The following TMEM92 variants were observed in gnomAD, a reference collection of about 807,000 sequenced individuals.
The protein encoded by TMEM92 is transmembrane protein 92.
In TMEM92, 15 loss-of-function variants were observed where a neutral mutation model predicts 14.6. That is an observed-to-expected ratio of 1.03 (90% CI 0.69 to 1.58). TMEM92 has a LOEUF of 1.58. TMEM92 is among the 40% of genes most tolerant of loss of function. The pLI is 0.00. For synonymous variants in TMEM92, 85 were observed against 83.3 expected, an observed-to-expected ratio of 1.02 and a Z score of -0.11; for missense variants, 174 against 202.4, an observed-to-expected ratio of 0.86 and a Z score of 0.85.
In TMEM92 at chr17:50,280,135, T is replaced by G. The variant is rs1195889763; in HGVS notation, c.*827T>G. ...TCTCTGGCTGTCTTACCATGAGAAG[T>G]TGGTAAGTTGGCTGTGAGGGGGTTG... is the stretch of plus-strand genomic sequence containing the variant. On this transcript the variant is annotated 3_prime_UTR_variant, in exon 5 of 5. Coordinates refer to ENST00000507382, the MANE Select transcript of TMEM92 (RefSeq NM_153229.3). The G allele has an allele frequency of 1.3e-5, 2 of 152,098 alleles. No homozygotes were observed. The highest frequency in any genetic ancestry group is 2.9e-5 in the Non-Finnish European group (2 of 68,042). 9.4% of individuals were successfully genotyped at this position (152,098 alleles called of 1,614,324 possible). A position where few individuals can be genotyped will look rare whatever the true frequency, so the allele number is the denominator to read the frequency against.
intron 2 of TMEM92, among the ~76,000 whole-genome samples, chr17:50,278,111 G>A (rs1343196806): frequency 6.6e-6 from 1 of 152,182 alleles, no homozygotes; most frequent in Non-Finnish European, 1.5e-5. Context: ...GCAGAAAAGT[G>A]TTTCCATTAG....
chr17:50,274,716 T>C lies in TMEM92; in HGVS notation c.69+146T>C, dbSNP rs529017973. ...AGCTACTTCCTTTCTCTCTTTGCTG[T>C]GGAGGTGGAGGTGGGGGCAGCGGAG... is the stretch of plus-strand genomic sequence containing the variant. On this transcript the variant is annotated intron_variant, in intron 1 of 4. Transcript: ENST00000507382. 2.3e-5 allele frequency: 17 copies of C among 750,454 alleles called. No homozygotes were observed. In the African/African-American group the frequency reaches 2.8e-4, roughly 13 times the overall value. 46.5% of individuals were successfully genotyped at this position (750,454 alleles called of 1,614,324 possible). A position where few individuals can be genotyped will look rare whatever the true frequency, so the allele number is the denominator to read the frequency against.
Position 50,279,272 on chromosome 17 carries a change from CG to C in TMEM92, c.448del (p.Asp150IlefsTer74). On this transcript the variant is annotated frameshift_variant, in exon 5 of 5. Transcript: ENST00000507382. LOFTEE classifies it high-confidence loss of function. The stretch of plus-strand genomic sequence containing the variant: ...ACAGCTTCAGGCCTGAAGAATATAC[CG>C]GGGATCAGAGGGGCATTGACAACCC... ...PYSFRPEEYT[G>X]DQRGIDNPAF is the part of the protein sequence containing the mutation. The C allele has an allele frequency of 3.1e-6, 5 of 1,613,794 alleles. No individual in the cohort carries two copies. Among genetic ancestry groups the C allele is most frequent in the Non-Finnish European group, 4.2e-6 (5 of 1,179,880 alleles).
chr17:50,278,820 CTG>C lies in TMEM92; in HGVS notation c.191_192del (p.Leu64ArgfsTer13). 1 of 1,612,320 alleles carries C rather than the reference CTG, an allele frequency of 6.2e-7. No individual in the cohort carries two copies. The highest frequency in any genetic ancestry group is 8.5e-7 in the Non-Finnish European group (1 of 1,179,312). On this transcript the variant is annotated frameshift_variant, in exon 4 of 5. Transcript: ENST00000507382. LOFTEE classifies it high-confidence loss of function. Reference protein sequence around the residue: ...GPVRIFVIIFLVILSVFCICG... With the variant: ...GPVRIFVIIFXVILSVFCICG... Reference sequence around the variant, plus strand: ...CCCCAGGATCTTCGTCATCATCTTCCTGGTCATCCTGTCCGTCTTTTGCATCT... The same window carrying C: ...CCCCAGGATCTTCGTCATCATCTTCCGTCATCCTGTCCGTCTTTTGCATCT...
In TMEM92 at chr17:50,279,001, G is replaced by A. The variant is rs921154611; in HGVS notation, c.366+5G>A. On this transcript the variant is annotated splice_donor_5th_base_variant and intron_variant, in intron 4 of 4. Coordinates refer to ENST00000507382, the MANE Select transcript of TMEM92 (RefSeq NM_153229.3). ...CCCCCACCCCCCTACAGTGAGGTGG[G>A]TGTCTCATCCCCATCCCCACCTTGC... 9 of 1,586,248 alleles carry A rather than the reference G, an allele frequency of 5.7e-6. No individual in the cohort carries two copies. The highest frequency in any genetic ancestry group is 7.8e-6 in the Non-Finnish European group (9 of 1,158,488).
Position 50,277,696 on chromosome 17 carries a change from C to T in TMEM92, c.70-19C>T, listed in dbSNP as rs1306963072. 1.2e-6 allele frequency: 2 copies of T among 1,613,960 alleles called. No individual in the cohort carries two copies. Among genetic ancestry groups the T allele is most frequent in the East Asian group, 2.2e-5 (1 of 44,886 alleles). ...CCCAGTTTATGACCCTGACCCCCGA[C>T]CTCTCTTTTCTTCCACAGATTGCAG... On this transcript the variant is annotated intron_variant, in intron 1 of 4. Transcript: ENST00000507382.
rs1448825941 is a variant in TMEM92 at position 50,279,276 on chromosome 17, G to A, written c.448G>A (p.Asp150Asn). Reference sequence around the variant, plus strand: ...CTTCAGGCCTGAAGAATATACCGGGGATCAGAGGGGCATTGACAACCCGGC... The same window carrying A: ...CTTCAGGCCTGAAGAATATACCGGGAATCAGAGGGGCATTGACAACCCGGC... Reference protein sequence around the residue: ...YSFRPEEYTGDQRGIDNPAF With the variant: ...YSFRPEEYTGNQRGIDNPAF The change falls in exon 5 of 5, where the codon GAT becomes AAT. Residue 150 changes from aspartate (D) to asparagine (N), a missense_variant. Physicochemically the swap from Asp to Asn is conservative, Grantham distance 23. Coordinates refer to ENST00000507382, the MANE Select transcript of TMEM92 (RefSeq NM_153229.3). 1 of 1,613,834 alleles carries A rather than the reference G, an allele frequency of 6.2e-7. No homozygotes were observed. The highest frequency in any genetic ancestry group is 1.1e-5 in the South Asian group (1 of 91,064).
upstream of TMEM92, chr17:50,274,340 C>G: frequency 1.5e-6 from 1 of 675,216 alleles, no homozygotes; most frequent in Non-Finnish European, 2.6e-6. Context: ...TCTGCGCCTC[C>G]CTTCCTCCCT....
chr17:50,279,254 C>A lies in TMEM92; in HGVS notation c.426C>A (p.Phe142Leu). The A allele has an allele frequency of 6.2e-7, 1 of 1,613,950 alleles. No individual in the cohort carries two copies. ...TPTEPPPPYS[F>L]RPEEYTGDQR... The stretch of plus-strand genomic sequence containing the variant: ...CAGAGCCACCCCCTCCCTACAGCTT[C>A]AGGCCTGAAGAATATACCGGGGATC... The change falls in exon 5 of 5, where the codon TTC becomes TTA. Residue 142 changes from phenylalanine to leucine, a missense_variant. Phe to Leu is a conservative substitution (Grantham distance 22). Transcript: ENST00000507382.
At chr17:50,278,699 G>A (rs1910510412) in intron 3 of TMEM92, 69 bp downstream of exon 3, 3 of 1,585,302 alleles carry the variant, frequency 1.9e-6, no homozygotes, top group Non-Finnish European at 2.6e-6. Flanking sequence ...ACAAGGCCAG[G>A]CACCTGCCGA....
intron 1 of TMEM92, among the ~76,000 whole-genome samples, chr17:50,276,221 A>G (rs1910427549): frequency 6.6e-6 from 1 of 152,170 alleles, no homozygotes; most frequent in Non-Finnish European, 1.5e-5. Context: ...GCCTCAAGCA[A>G]TCCACCCACC....
At chr17:50,278,706 C>A in intron 3 of TMEM92, 76 bp downstream of exon 3, 1 of 1,579,976 alleles carries the variant, frequency 6.3e-7, no homozygotes, top group Non-Finnish European at 8.6e-7. Flanking sequence ...CAGGCACCTG[C>A]CGAGGGGGCA....
upstream of TMEM92, among the ~76,000 whole-genome samples, chr17:50,272,195 C>A (rs1315444109): frequency 6.6e-6 from 1 of 152,030 alleles, no homozygotes; most frequent in Non-Finnish European, 1.5e-5. Flanking sequence ...CCTCCTCCTG[C>A]CCCTCTTCAG....
chr17:50,278,424 A>AC (rs71353627), intron 2 of TMEM92, 132 bp from the exon 3 acceptor site: 2 of 969,570 alleles, frequency 2.1e-6, no homozygotes, highest in Non-Finnish European at 3.1e-6. Flanking sequence ...CGGGGGCCAT[A>AC]CCCCCCACCC....
chr17:50,280,856 G>A lies in TMEM92; in HGVS notation c.*1548G>A, dbSNP rs1371049326. On this transcript the variant is annotated 3_prime_UTR_variant, in exon 5 of 5. Coordinates refer to ENST00000507382, the MANE Select transcript of TMEM92 (RefSeq NM_153229.3). ...AATATAGTGCCAGGGTTGGCCATAG[G>A]AGAATGAGCCCAAGCGTAAGTGGAA... 6.6e-6 allele frequency: 1 copy of A among 152,434 alleles called. No individual in the cohort carries two copies. Among genetic ancestry groups the A allele is most frequent in the Non-Finnish European group, 1.5e-5 (1 of 68,164 alleles). 9.4% of individuals were successfully genotyped at this position (152,434 alleles called of 1,614,324 possible). A position where few individuals can be genotyped will look rare whatever the true frequency, so the allele number is the denominator to read the frequency against.
upstream of TMEM92, chr17:50,274,384 C>A: frequency 9.8e-7 from 1 of 1,022,910 alleles, no homozygotes; most frequent in Non-Finnish European, 1.5e-6. Context: ...CCCGAGTCCG[C>A]CTCTCCCGGT....
At chr17:50,274,653 C>G in intron 1 of TMEM92, 83 bp downstream of exon 1, 1 of 1,250,670 alleles carries the variant, frequency 8.0e-7, no homozygotes, top group Non-Finnish European at 1.1e-6. Flanking sequence ...TGGTCGCCAC[C>G]TTCCAGAATC....
intron 1 of TMEM92, 58 bp from the exon 2 acceptor site, chr17:50,277,657 C>T: frequency 2.5e-6 from 4 of 1,605,344 alleles, no homozygotes; most frequent in Non-Finnish European, 3.4e-6. Context: ...AGTGGAGACC[C>T]TACCCCCACT....
chr17:50,278,434 C>A (rs944154458), intron 2 of TMEM92, 122 bp from the exon 3 acceptor site: 2 of 1,103,400 alleles, frequency 1.8e-6, no homozygotes, highest in African/African-American at 1.5e-5. Context: ...ACCCCCCACC[C>A]CACTAAGGGG....
Sources: allele counts gnomAD v4.1 joint callset (sites outside exome capture counted in the v4.1 genomes callset), GRCh38; gene constraint gnomAD v4.1.1; transcripts MANE v1.5; gene names NCBI Gene and HGNC (gene_info 2026-07-23, HGNC 2026-07-21).